PRTFDC1: variants seen among roughly 807,000 people sequenced by gnomAD.
The protein encoded by PRTFDC1 is phosphoribosyltransferase domain-containing protein 1.
Under a neutral mutation model 34.6 loss-of-function variants are expected in PRTFDC1, and 38 were observed. The ratio of observed to expected loss-of-function variants is 1.10; its 90% CI spans 0.85 to 1.44. The LOEUF (loss-of-function observed/expected upper bound fraction) is 1.44, where lower values mean the gene tolerates loss of function less well. Ranked by LOEUF, PRTFDC1 falls within the 40% of genes most tolerant of loss-of-function variation. The probability of loss-of-function intolerance (pLI) is 0.00; values close to 1 mark genes in which losing one functional copy is unlikely to be tolerated. For synonymous variants in PRTFDC1, 93 were observed against 98.1 expected, an observed-to-expected ratio of 0.95 and a Z score of 0.31; for missense variants, 270 against 283.0, an observed-to-expected ratio of 0.95 and a Z score of 0.33.
chr10:24,922,798 C>T (rs2132585873), intron 3 of PRTFDC1, among the ~76,000 whole-genome samples: 1 of 152,286 alleles, frequency 6.6e-6, no homozygotes, highest in Admixed American at 6.5e-5. Context: ...ACGGGTTGGA[C>T]AGTGGGTGCG....
At chr10:24,888,695 A>T (rs576287839) in intron 3 of PRTFDC1, among the ~76,000 whole-genome samples, 1 of 152,360 alleles carries the variant, frequency 6.6e-6, no homozygotes, top group African/African-American at 2.4e-5. Context: ...TTTCTATACA[A>T]ATCACTGACC....
intron 3 of PRTFDC1, among the ~76,000 whole-genome samples, chr10:24,893,272 T>C (rs28656163): frequency 1.4e-4 from 13 of 91,356 alleles, no homozygotes; most frequent in South Asian, 3.4e-4. Flanking sequence ...CTCTCTCTCT[T>C]TCTCTCTCTC....
chr10:24,891,890 C>T (rs1365833573), intron 3 of PRTFDC1, among the ~76,000 whole-genome samples: 1 of 152,222 alleles, frequency 6.6e-6, no homozygotes, highest in Admixed American at 6.5e-5. Context: ...CCTCAGCTTA[C>T]TGTCCTGCTA....
Position 24,905,429 on chromosome 10 carries a change from C to A in PRTFDC1, c.339+31755G>T, listed in dbSNP as rs1848519196. On this transcript the variant is annotated intron_variant, in intron 3 of 8. Coordinates refer to ENST00000320152, the MANE Select transcript of PRTFDC1 (RefSeq NM_020200.7). The stretch of plus-strand genomic sequence containing the variant: ...CTCCGACTCCCTGGTTCAAGCAATT[C>A]TTCTGCCTCAGTCTCCCGAGTAGCT... Among the ~76,000 whole-genome samples the A allele has an allele frequency of 4.1e-5, 6 of 146,868 alleles. No individual in the cohort carries two copies. The South Asian group carries it at 1.3e-3, about 32-fold the overall frequency.
intron 3 of PRTFDC1, among the ~76,000 whole-genome samples, chr10:24,922,890 C>G (rs1343694503): frequency 2.6e-5 from 4 of 152,172 alleles, no homozygotes; most frequent in African/African-American, 9.7e-5. Flanking sequence ...CCTTTCCTAG[C>G]CAAGGGAAGC....
intron 7 of PRTFDC1, among the ~76,000 whole-genome samples, chr10:24,854,777 G>C (rs1847544428): frequency 6.6e-6 from 1 of 152,168 alleles, no homozygotes; most frequent in African/African-American, 2.4e-5. Context: ...CGGAGCTTTG[G>C]TTTGGAGGTG....
intron 3 of PRTFDC1, among the ~76,000 whole-genome samples, chr10:24,902,419 T>C (rs1424472646): frequency 1.3e-5 from 2 of 152,150 alleles, no homozygotes; most frequent in African/African-American, 4.8e-5. Context: ...GTGCATGTCA[T>C]TGGAACCTTG....
At chr10:24,897,968 TAA>T (rs1416347023) in intron 3 of PRTFDC1, among the ~76,000 whole-genome samples, 1 of 152,178 alleles carries the variant, frequency 6.6e-6, no homozygotes, top group Non-Finnish European at 1.5e-5. Flanking sequence ...TTAAAGAATC[TAA>T]GTGTCCTATA....
At chr10:24,910,353 T>C (rs1048182016) in intron 3 of PRTFDC1, among the ~76,000 whole-genome samples, 3 of 152,194 alleles carry the variant, frequency 2.0e-5, no homozygotes, top group African/African-American at 7.2e-5. Context: ...TTTTAAAAGC[T>C]GGCCAACCAC....
chr10:24,858,062 T>G (rs545869194), intron 5 of PRTFDC1, among the ~76,000 whole-genome samples: 1 of 152,280 alleles, frequency 6.6e-6, no homozygotes, highest in South Asian at 2.1e-4. Context: ...CTAACCTTGG[T>G]TTTACTGTGA....
intron 3 of PRTFDC1, among the ~76,000 whole-genome samples, chr10:24,934,263 A>G (rs1192449433): frequency 6.6e-6 from 1 of 152,026 alleles, no homozygotes. Context: ...GAAGAAGAAG[A>G]AGAAGAAGAA....
intron 3 of PRTFDC1, among the ~76,000 whole-genome samples, chr10:24,903,954 G>T (rs914555859): frequency 6.6e-6 from 1 of 151,856 alleles, no homozygotes; most frequent in East Asian, 1.9e-4. Context: ...CTCGCAAAGG[G>T]CTGGGATTAC....
chr10:24,894,099 G>A (rs1316716916), intron 3 of PRTFDC1, among the ~76,000 whole-genome samples: 3 of 152,272 alleles, frequency 2.0e-5, no homozygotes, highest in Non-Finnish European at 2.9e-5. Flanking sequence ...TTGGGAGGCC[G>A]AGGTGGGGGA....
chr10:24,856,735 T>TTC (rs1230868160), intron 6 of PRTFDC1, among the ~76,000 whole-genome samples, 178 bp downstream of exon 6: 1 of 152,212 alleles, frequency 6.6e-6, no homozygotes, highest in Non-Finnish European at 1.5e-5. Context: ...CTTCCCTTAC[T>TTC]TCTCTCAGGC....
chr10:24,882,204 C>CAAAAAAAAAAAAA, intron 3 of PRTFDC1, among the ~76,000 whole-genome samples: 1 of 107,506 alleles, frequency 9.3e-6, no homozygotes, highest in Non-Finnish European at 1.8e-5. Flanking sequence ...GGATCTGCCT[C>CAAAAAAAAAAAAA]AAAAAAAAAA....
chr10:24,881,740 C>G (rs1039186260), intron 3 of PRTFDC1, among the ~76,000 whole-genome samples: 1 of 152,092 alleles, frequency 6.6e-6, no homozygotes, highest in Non-Finnish European at 1.5e-5. Flanking sequence ...TTGTTAATTA[C>G]CAATTCCTTG....
chr10:24,866,522 C>T (rs568810777), intron 4 of PRTFDC1, among the ~76,000 whole-genome samples: 14 of 151,972 alleles, frequency 9.2e-5, no homozygotes, highest in Admixed American at 2.0e-4. Flanking sequence ...TCAGAGGTTC[C>T]TCGTGAATAT....
chr10:24,948,058 A>C (rs1158349060), intron 1 of PRTFDC1, among the ~76,000 whole-genome samples: 1 of 152,072 alleles, frequency 6.6e-6, no homozygotes, highest in Non-Finnish European at 1.5e-5. Context: ...AGGAAAACTC[A>C]TTACCACCTA....
intron 4 of PRTFDC1, among the ~76,000 whole-genome samples, chr10:24,866,082 T>G (rs905798400): frequency 2.0e-5 from 3 of 152,082 alleles, no homozygotes; most frequent in African/African-American, 7.2e-5. Flanking sequence ...AATCTTAGGC[T>G]GGGCACAGTG....
Sources: gnomAD v4.1 joint callset for allele counts (sites outside exome capture counted in the v4.1 genomes callset) on GRCh38, gnomAD v4.1.1 for gene constraint, MANE v1.5 for transcripts, NCBI Gene and HGNC (gene_info 2026-07-23, HGNC 2026-07-21) for gene names.